SNTG1: variants seen among roughly 807,000 people sequenced by gnomAD.
SNTG1 encodes the protein gamma-1-syntrophin.
SNTG1 carries 39 observed loss-of-function variants against 74.7 expected under a neutral mutation model. That is an observed-to-expected ratio of 0.52 (90% confidence interval 0.40 to 0.68). The LOEUF (loss-of-function observed/expected upper bound fraction) is 0.68, where lower values mean the gene tolerates loss of function less well. Among genes scored for constraint, SNTG1 ranks in the 30% least tolerant of loss-of-function variants. SNTG1 has a pLI of 0.00. For synonymous variants in SNTG1, 254 were observed against 217.1 expected (o/e 1.17, Z -1.49); for missense variants, 685 against 609.5 (o/e 1.12, Z -1.30).
At position 50,091,113 on chromosome 8, in the gene SNTG1, T is replaced by C. The variant is rs1437937771; in HGVS notation, c.-102-81448T>C. Among the ~76,000 whole-genome samples the C allele has an allele frequency of 3.9e-5, 6 of 152,050 alleles. No individual in the cohort carries two copies. The East Asian group carries it at 9.7e-4, about 24-fold the overall frequency. On this transcript the variant is annotated intron_variant, in intron 1 of 18. Coordinates refer to ENST00000642720, the MANE Select transcript of SNTG1 (RefSeq NM_018967.5). The stretch of plus-strand genomic sequence containing the variant: ...TAATTAAAATATTTGGTAATAAAAA[T>C]ATATTTTTTCTTAATTTGGAGCAAG...
At chr8:50,629,273 G>C (rs1428271720) in intron 13 of SNTG1, among the ~76,000 whole-genome samples, 3 of 151,734 alleles carry the variant, frequency 2.0e-5, no homozygotes, top group Non-Finnish European at 4.4e-5. Flanking sequence ...ATCACTATTA[G>C]ATTTTTTATT....
intron 8 of SNTG1, among the ~76,000 whole-genome samples, chr8:50,464,181 G>A (rs188429863): frequency 1.4e-4 from 22 of 152,230 alleles, no homozygotes; most frequent in African/African-American, 4.8e-4. Context: ...AACTTTCTCC[G>A]TATCAGCAAT....
chr8:50,054,290 G>C (rs1819841782), intron 1 of SNTG1, among the ~76,000 whole-genome samples: 2 of 151,974 alleles, frequency 1.3e-5, no homozygotes, highest in Non-Finnish European at 1.5e-5. Context: ...CCAGAAACCT[G>C]GGCATTGTTT....
At chr8:50,659,895 A>G (rs979513595) in intron 15 of SNTG1, among the ~76,000 whole-genome samples, 4 of 152,162 alleles carry the variant, frequency 2.6e-5, no homozygotes, top group African/African-American at 7.2e-5. Context: ...GCTGGAGTGC[A>G]GTGGTGTGAT....
chr8:50,096,328 A>T (rs2079927395), intron 1 of SNTG1, among the ~76,000 whole-genome samples: 1 of 152,152 alleles, frequency 6.6e-6, no homozygotes, highest in Non-Finnish European at 1.5e-5. Flanking sequence ...AATTTGTTTC[A>T]TTGATTTTTT....
At chr8:50,253,255 G>C (rs12679317) in intron 2 of SNTG1, among the ~76,000 whole-genome samples, 85,845 of 151,842 alleles carry the variant, frequency 0.57, 27,962 homozygotes, top group East Asian at 0.83. Context: ...GAAACCCTGT[G>C]TCTACTAACA....
intron 2 of SNTG1, among the ~76,000 whole-genome samples, chr8:50,179,768 G>T (rs993266003): frequency 1.3e-5 from 2 of 152,104 alleles, no homozygotes; most frequent in African/African-American, 4.8e-5. Context: ...TAATAAAAAT[G>T]ACAAGAGATA....
chr8:50,657,256 T>C (rs2095188541), intron 14 of SNTG1, among the ~76,000 whole-genome samples: 1 of 152,096 alleles, frequency 6.6e-6, no homozygotes, highest in Non-Finnish European at 1.5e-5. Context: ...AGTGAACCTA[T>C]AAAATAATGG....
intron 2 of SNTG1, among the ~76,000 whole-genome samples, chr8:50,294,332 A>G (rs1297783366): frequency 6.6e-6 from 1 of 152,232 alleles, no homozygotes; most frequent in Non-Finnish European, 1.5e-5. Context: ...GGAGTCATCC[A>G]ACAGCTTCAA....
chr8:50,688,059 G>C (rs945571441), intron 15 of SNTG1, among the ~76,000 whole-genome samples: 2 of 151,962 alleles, frequency 1.3e-5, no homozygotes, highest in African/African-American at 4.8e-5. Context: ...GTCTTCTTTT[G>C]GGAAGTGTCT....
chr8:50,497,673 A>T (rs919318239), intron 8 of SNTG1, among the ~76,000 whole-genome samples: 1 of 152,016 alleles, frequency 6.6e-6, no homozygotes, highest in Non-Finnish European at 1.5e-5. Context: ...GCAATCCATG[A>T]CATAGAATAC....
At chr8:50,534,915 A>G (rs2094296773) in intron 10 of SNTG1, among the ~76,000 whole-genome samples, 2 of 152,204 alleles carry the variant, frequency 1.3e-5, no homozygotes, top group South Asian at 4.1e-4. Flanking sequence ...ATTAAATAGT[A>G]ACAGTAATAT....
At chr8:50,776,366 T>A (rs1171186945) in intron 18 of SNTG1, among the ~76,000 whole-genome samples, 1 of 148,236 alleles carries the variant, frequency 6.7e-6, no homozygotes, top group African/African-American at 2.4e-5. Flanking sequence ...ATATTTTAAG[T>A]CTCTTTACCT....
At chr8:50,017,777 TAAAG>T (rs1816464398) in intron 1 of SNTG1, among the ~76,000 whole-genome samples, 1 of 151,806 alleles carries the variant, frequency 6.6e-6, no homozygotes, top group South Asian at 2.1e-4. Context: ...CTGACAGAAT[TAAAG>T]ACAGAGAGAA....
At chr8:50,748,353 G>GT (rs1268875015) in intron 17 of SNTG1, among the ~76,000 whole-genome samples, 3 of 151,968 alleles carry the variant, frequency 2.0e-5, no homozygotes, top group African/African-American at 7.2e-5. Context: ...CATTTTGCTA[G>GT]GTGAAGGGGT....
At chr8:50,609,995 T>C (rs1234130244) in intron 13 of SNTG1, among the ~76,000 whole-genome samples, 1 of 152,180 alleles carries the variant, frequency 6.6e-6, no homozygotes, top group African/African-American at 2.4e-5. Context: ...TGCTTCTTTT[T>C]TCCCCCAGAA....
chr8:50,605,490 A>G (rs2094806116), intron 13 of SNTG1, among the ~76,000 whole-genome samples: 1 of 152,164 alleles, frequency 6.6e-6, no homozygotes, highest in Non-Finnish European at 1.5e-5. Context: ...CCAGCTGAGC[A>G]ACAGTCTTTG....
intron 15 of SNTG1, among the ~76,000 whole-genome samples, chr8:50,695,633 C>T (rs1473201614): frequency 6.6e-6 from 1 of 151,710 alleles, no homozygotes; most frequent in Non-Finnish European, 1.5e-5. Context: ...CACCCTCTTA[C>T]TCTTTGAAGT....
intron 1 of SNTG1, among the ~76,000 whole-genome samples, chr8:50,083,860 C>G (rs1239912611): frequency 6.6e-6 from 1 of 152,160 alleles, no homozygotes; most frequent in African/African-American, 2.4e-5. Flanking sequence ...AATTTTGCAA[C>G]ATTTGAGTAT....
Sources: allele counts gnomAD v4.1 joint callset (sites outside exome capture counted in the v4.1 genomes callset), GRCh38; gene constraint gnomAD v4.1.1; transcripts MANE v1.5; gene names NCBI Gene and HGNC (gene_info 2026-07-23, HGNC 2026-07-21).